Variants in UNC5D observed in about 807,000 individuals in gnomAD.
UNC5D encodes netrin receptor UNC5D.
A neutral mutation model predicts 105.4 loss-of-function variants in UNC5D; 39 were observed. The observed-to-expected ratio is 0.37, with a 90% confidence interval of 0.29 to 0.48. The LOEUF (loss-of-function observed/expected upper bound fraction) is 0.48. Ranked by LOEUF, UNC5D falls within the 20% of genes least tolerant of loss-of-function variation. The pLI is 0.98. For missense variants in UNC5D, 991 were observed against 1,202.4 expected (o/e 0.82, Z 2.60); for synonymous variants, 452 against 450.4 (o/e 1.00, Z -0.04).
At chr8:35,239,588 G>T (rs1802677978) in intron 1 of UNC5D, among the ~76,000 whole-genome samples, 1 of 151,894 alleles carries the variant, frequency 6.6e-6, no homozygotes, top group Non-Finnish European at 1.5e-5. Context: ...TCCTCTTAAG[G>T]AAGGGGGTGG....
At chr8:35,621,003 G>A (rs1002393819) in intron 4 of UNC5D, among the ~76,000 whole-genome samples, 1 of 152,138 alleles carries the variant, frequency 6.6e-6, no homozygotes, top group South Asian at 2.1e-4. Context: ...CCTGTTCAGG[G>A]TACGATGTTG....
At chr8:35,507,297 C>T (rs994523909) in intron 1 of UNC5D, among the ~76,000 whole-genome samples, 2 of 151,920 alleles carry the variant, frequency 1.3e-5, no homozygotes. Flanking sequence ...CCTCGTGATC[C>T]GCCCGCCTCG....
chr8:35,451,215 G>A lies in UNC5D; in HGVS notation c.104-98077G>A, dbSNP rs1808132234. ...TGCACCACCATGCTCGGCTAATTTT[G>A]TATTGTTAGTAGAGATAGTGTTTCT... On this transcript the variant is annotated intron_variant, in intron 1 of 16. Coordinates refer to ENST00000404895, the MANE Select transcript of UNC5D (RefSeq NM_080872.4). 2.6e-5 allele frequency among the ~76,000 whole-genome samples: 4 copies of A among 151,786 alleles called. No homozygotes were observed. In the South Asian group the frequency reaches 8.3e-4, roughly 32 times the overall value.
At chr8:35,380,087 T>TGGG (rs143898919) in intron 1 of UNC5D, among the ~76,000 whole-genome samples, 47 of 26,294 alleles carry the variant, frequency 1.8e-3, no homozygotes, top group South Asian at 2.4e-3. Flanking sequence ...TAATTGGGGG[T>TGGG]GGGGGGGGGG....
rs180940970 is a variant in UNC5D, at chr8:35,558,937, G to A, written c.323-9161G>A. 3.9e-4 allele frequency among the ~76,000 whole-genome samples: 60 copies of A among 152,090 alleles called. 1 individual carries two copies. Among genetic ancestry groups the A allele is most frequent in the Admixed American group, 2.9e-3 (44 of 15,276 alleles). On this transcript the variant is annotated intron_variant, in intron 2 of 16. Coordinates refer to ENST00000404895, the MANE Select transcript of UNC5D (RefSeq NM_080872.4). ...GTGGAGGTTGCAGTGAGCCGAGATC[G>A]CAGCACTGTACTCCAGCTTGGGCAA... is the stretch of plus-strand genomic sequence containing the variant.
At chr8:35,657,013 C>A (rs1198555319) in intron 4 of UNC5D, among the ~76,000 whole-genome samples, 2 of 139,440 alleles carry the variant, frequency 1.4e-5, no homozygotes, top group Admixed American at 1.5e-4. Flanking sequence ...TAGATGTGAT[C>A]TTGCTATGCT....
At chr8:35,239,302 C>T (rs374874071) in intron 1 of UNC5D, among the ~76,000 whole-genome samples, 8 of 152,030 alleles carry the variant, frequency 5.3e-5, no homozygotes, top group South Asian at 4.1e-4. Flanking sequence ...TGACTGAATC[C>T]GTCAGGTAGT....
intron 1 of UNC5D, among the ~76,000 whole-genome samples, chr8:35,444,089 G>T (rs1257430828): frequency 1.3e-5 from 2 of 151,918 alleles, no homozygotes; most frequent in Non-Finnish European, 2.9e-5. Context: ...AAAAGTATTT[G>T]GGGGAACCTT....
intron 4 of UNC5D, among the ~76,000 whole-genome samples, chr8:35,671,406 C>T (rs1824795438): frequency 6.6e-6 from 1 of 152,078 alleles, no homozygotes; most frequent in Non-Finnish European, 1.5e-5. Flanking sequence ...TAATGGGAAG[C>T]CAAATGAAAA....
intron 4 of UNC5D, among the ~76,000 whole-genome samples, chr8:35,602,045 A>C (rs1033722375): frequency 2.9e-4 from 44 of 152,238 alleles, no homozygotes; most frequent in African/African-American, 1.0e-3. Context: ...TTCTGCATCT[A>C]TTGAGATCAT....
At chr8:35,343,003 G>A (rs1811561638) in intron 1 of UNC5D, among the ~76,000 whole-genome samples, 1 of 152,024 alleles carries the variant, frequency 6.6e-6, no homozygotes, top group Admixed American at 6.6e-5. Context: ...CAGAATCACG[G>A]GGAGGTCTTA....
chr8:35,772,043 T>C (rs1802033031), intron 15 of UNC5D, among the ~76,000 whole-genome samples: 1 of 152,012 alleles, frequency 6.6e-6, no homozygotes, highest in African/African-American at 2.4e-5. Flanking sequence ...AACCATGCTC[T>C]TTTCTGTTAT....
chr8:35,319,726 C>G (rs369987822), intron 1 of UNC5D, among the ~76,000 whole-genome samples: 2 of 151,546 alleles, frequency 1.3e-5, no homozygotes, highest in Non-Finnish European at 2.9e-5. Context: ...TTATCAAATA[C>G]AATATGGTCC....
chr8:35,459,138 A>G (rs769205089), intron 1 of UNC5D, among the ~76,000 whole-genome samples: 2 of 152,046 alleles, frequency 1.3e-5, no homozygotes, highest in Non-Finnish European at 1.5e-5. Flanking sequence ...CTTTTGTGGT[A>G]TGAGGGGAAG....
intron 1 of UNC5D, among the ~76,000 whole-genome samples, chr8:35,414,208 C>A (rs143472184): frequency 6.6e-6 from 1 of 152,128 alleles, no homozygotes; most frequent in Admixed American, 6.6e-5. Flanking sequence ...GAGCATATGA[C>A]CAAATTGTGA....
In UNC5D at chr8:35,549,378, T is replaced by C; in HGVS notation, c.190T>C (p.Tyr64His). Reference sequence around the variant, plus strand: ...TTTCATAGAGGAGCCAGATGATGCTTATATTATCAAGAGCAACCCTATTGC... The same window carrying C: ...TTTCATAGAGGAGCCAGATGATGCTCATATTATCAAGAGCAACCCTATTGC... ...PHFIEEPDDA[Y>H]IIKSNPIALR... The change falls in exon 2 of 17, where the codon TAT (tyrosine) becomes CAT (histidine). Residue 64 changes from tyrosine to histidine, a missense_variant. This residue lies in a region of UNC5D where 944 missense variants were observed against 1,131.6 expected (regional missense o/e 0.83). Transcript: ENST00000404895. 2.5e-6 allele frequency: 4 copies of C among 1,613,588 alleles called. No homozygotes were observed. Among genetic ancestry groups the C allele is most frequent in the Non-Finnish European group, 3.4e-6 (4 of 1,180,038 alleles).
intron 1 of UNC5D, among the ~76,000 whole-genome samples, chr8:35,410,955 A>G (rs572095638): frequency 1.3e-5 from 2 of 152,096 alleles, no homozygotes; most frequent in South Asian, 2.1e-4. Context: ...TAGCTTAAAT[A>G]TTTGATTTGA....
chr8:35,314,351 A>AG (rs1033987402), intron 1 of UNC5D, among the ~76,000 whole-genome samples: 64 of 152,264 alleles, frequency 4.2e-4, no homozygotes, highest in African/African-American at 1.5e-3. Flanking sequence ...TCTCAAGTAT[A>AG]GGGGGTCTTT....
At chr8:35,318,878 C>T (rs781408796) in intron 1 of UNC5D, among the ~76,000 whole-genome samples, 5 of 151,986 alleles carry the variant, frequency 3.3e-5, no homozygotes, top group Admixed American at 1.3e-4. Context: ...CTATCCATTA[C>T]GAGTGTCTTT....
Sources: allele counts gnomAD v4.1 joint callset (sites outside exome capture counted in the v4.1 genomes callset), GRCh38; gene constraint gnomAD v4.1.1; regional missense constraint gnomAD v4.1.1; transcripts MANE v1.5; gene names NCBI Gene and HGNC (gene_info 2026-07-23, HGNC 2026-07-21).